The following RBMS3 variants were observed in gnomAD, a reference collection of about 807,000 sequenced individuals.
RBMS3 encodes RNA binding motif single stranded interacting protein 3.
In RBMS3, 27 loss-of-function variants were observed where a neutral mutation model predicts 66.8. That is an observed-to-expected ratio of 0.40 (90% CI 0.30 to 0.56). The LOEUF (loss-of-function observed/expected upper bound fraction) is 0.56, where lower values mean the gene tolerates loss of function less well. Among genes scored for constraint, RBMS3 ranks in the 20% least tolerant of loss-of-function variants. RBMS3 has a pLI of 0.40. For missense variants in RBMS3, 513 were observed against 549.5 expected, an observed-to-expected ratio of 0.93 and a Z score of 0.66; for synonymous variants, 188 against 183.0, an observed-to-expected ratio of 1.03 and a Z score of -0.22.
intron 6 of RBMS3, among the ~76,000 whole-genome samples, chr3:29,768,391 A>T (rs2056027236): frequency 6.6e-6 from 1 of 151,928 alleles, no homozygotes; most frequent in South Asian, 2.1e-4. Context: ...GATATATAAG[A>T]CAGAGAGAAG....
intron 6 of RBMS3, among the ~76,000 whole-genome samples, chr3:29,774,854 A>G (rs2056364168): frequency 6.6e-6 from 1 of 152,054 alleles, no homozygotes; most frequent in African/African-American, 2.4e-5. Flanking sequence ...GTTTTTAAAT[A>G]AAAGTGTATG....
At chr3:29,426,697 C>T (rs1194104870) in intron 1 of RBMS3, among the ~76,000 whole-genome samples, 2 of 151,868 alleles carry the variant, frequency 1.3e-5, no homozygotes, top group East Asian at 3.9e-4. Flanking sequence ...AATTTCATTT[C>T]AAGAATAGTG....
chr3:29,398,729 A>C (rs1437466105), intron 1 of RBMS3, among the ~76,000 whole-genome samples: 2 of 152,138 alleles, frequency 1.3e-5, no homozygotes, highest in Admixed American at 1.3e-4. Context: ...GATCCTTGTC[A>C]TGTGCTGCAG....
chr3:29,571,653 A>G (rs2046958182), intron 3 of RBMS3, among the ~76,000 whole-genome samples: 1 of 152,168 alleles, frequency 6.6e-6, no homozygotes, highest in Admixed American at 6.5e-5. Context: ...TTATGCCAGT[A>G]CCATGCTGTT....
At chr3:29,992,932 G>A (rs913316385) in intron 14 of RBMS3, among the ~76,000 whole-genome samples, 3 of 152,116 alleles carry the variant, frequency 2.0e-5, no homozygotes, top group Admixed American at 6.5e-5. Flanking sequence ...AAAAGTCTAC[G>A]CCTACTCAAG....
chr3:29,713,107 C>G (rs2053242986), intron 4 of RBMS3, among the ~76,000 whole-genome samples: 1 of 151,674 alleles, frequency 6.6e-6, no homozygotes, highest in African/African-American at 2.4e-5. Context: ...TGGCTAGTAT[C>G]TATTATATTA....
At chr3:29,937,526 G>C (rs1440481211) in intron 11 of RBMS3, among the ~76,000 whole-genome samples, 1 of 151,950 alleles carries the variant, frequency 6.6e-6, no homozygotes, top group East Asian at 1.9e-4. Flanking sequence ...TTAATGGAAA[G>C]AGCCACATTC....
At chr3:29,834,117 A>ATTCT (rs2058443319) in intron 6 of RBMS3, among the ~76,000 whole-genome samples, 1 of 152,090 alleles carries the variant, frequency 6.6e-6, no homozygotes, top group African/African-American at 2.4e-5. Context: ...CGAGAGATAA[A>ATTCT]GACTTTCCCA....
intron 3 of RBMS3, among the ~76,000 whole-genome samples, chr3:29,561,905 A>G (rs1373264577): frequency 6.6e-6 from 1 of 152,002 alleles, no homozygotes; most frequent in Admixed American, 6.6e-5. Flanking sequence ...TCCTTTGCCA[A>G]CTTTTTAATG....
chr3:29,316,639 T>A (rs1046080167), intron 1 of RBMS3, among the ~76,000 whole-genome samples: 23 of 151,526 alleles, frequency 1.5e-4, no homozygotes, highest in Non-Finnish European at 8.9e-5. Context: ...AAATTATAAA[T>A]TATAATTAAA....
At chr3:29,485,798 A>T (rs1198929986) in intron 2 of RBMS3, among the ~76,000 whole-genome samples, 4 of 152,144 alleles carry the variant, frequency 2.6e-5, no homozygotes, top group Non-Finnish European at 5.9e-5. Flanking sequence ...ATTTCCAGGC[A>T]TTATTCAGCA....
chr3:29,407,344 G>A (rs911748941), intron 1 of RBMS3, among the ~76,000 whole-genome samples: 9 of 152,098 alleles, frequency 5.9e-5, no homozygotes, highest in African/African-American at 1.7e-4. Flanking sequence ...CCTGACTAGC[G>A]ACTGAGGTGT....
chr3:29,679,045 C>T (rs1480711765), intron 4 of RBMS3, among the ~76,000 whole-genome samples: 1 of 151,968 alleles, frequency 6.6e-6, no homozygotes, highest in Non-Finnish European at 1.5e-5. Flanking sequence ...TCCAGATAGT[C>T]CTAGAATCAC....
intron 1 of RBMS3, among the ~76,000 whole-genome samples, chr3:29,350,842 G>T (rs1291336260): frequency 6.8e-6 from 1 of 147,692 alleles, no homozygotes; most frequent in Admixed American, 6.7e-5. Context: ...AAAGGTAAAA[G>T]AAAAACAAAG....
chr3:29,629,072 A>G (rs2049180348), intron 4 of RBMS3, among the ~76,000 whole-genome samples: 1 of 152,074 alleles, frequency 6.6e-6, no homozygotes, highest in African/African-American at 2.4e-5. Flanking sequence ...TGACATAATG[A>G]TTGTATCTGG....
intron 1 of RBMS3, among the ~76,000 whole-genome samples, chr3:29,378,382 G>A (rs2038588984): frequency 2.6e-5 from 4 of 151,754 alleles, no homozygotes; most frequent in East Asian, 2.0e-4. Context: ...TGAGGCAGGA[G>A]AATGGCATGA....
intron 10 of RBMS3, among the ~76,000 whole-genome samples, chr3:29,930,919 C>A (rs1055363106): frequency 3.3e-5 from 5 of 151,994 alleles, no homozygotes; most frequent in African/African-American, 1.2e-4. Flanking sequence ...TGTAATGATC[C>A]ATTTTAACGA....
At chr3:29,497,698 A>T (rs1044488690) in intron 3 of RBMS3, among the ~76,000 whole-genome samples, 6 of 152,002 alleles carry the variant, frequency 3.9e-5, no homozygotes, top group African/African-American at 7.2e-5. Flanking sequence ...CTCATCTCTC[A>T]TGCTTTTATG....
intron 3 of RBMS3, among the ~76,000 whole-genome samples, chr3:29,577,815 G>C (rs1054272014): frequency 6.6e-6 from 1 of 152,142 alleles, no homozygotes; most frequent in African/African-American, 2.4e-5. Context: ...GATGCTTCAG[G>C]ACTGTCTTTC....
Sources: allele counts gnomAD v4.1 joint callset (sites outside exome capture counted in the v4.1 genomes callset), GRCh38; gene constraint gnomAD v4.1.1; transcripts MANE v1.5; gene names NCBI Gene and HGNC (gene_info 2026-07-23, HGNC 2026-07-21).